Variants in RALYL observed in about 807,000 individuals in gnomAD.
RALYL encodes RALY RNA binding protein like, also known as RNA-binding Raly-like protein.
A neutral mutation model predicts 35.1 loss-of-function variants in RALYL; 29 were observed. The ratio of observed to expected loss-of-function variants is 0.83; its 90% confidence interval spans 0.61 to 1.13. RALYL has a LOEUF of 1.13. RALYL is among the 50% of genes most tolerant of loss of function. The pLI, the probability that RALYL is intolerant of heterozygous loss-of-function variation, is 0.00. For missense variants in RALYL, 359 were observed against 360.4 expected (o/e 1.00, Z 0.03); for synonymous variants, 120 against 127.6 (o/e 0.94, Z 0.40).
chr8:84,530,325 G>A (rs751518326), intron 2 of RALYL, among the ~76,000 whole-genome samples: 14 of 151,636 alleles, frequency 9.2e-5, no homozygotes, highest in Non-Finnish European at 1.8e-4. Context: ...GTTCTGTCTA[G>A]ATTAATATAT....
At position 84,451,565 on chromosome 8, in the gene RALYL, G is replaced by T. The variant is rs541538597; in HGVS notation, c.-23-77734G>T. 3.3e-5 allele frequency among the ~76,000 whole-genome samples: 5 copies of T among 152,090 alleles called. No homozygotes were observed. The East Asian group carries it at 9.7e-4, about 30-fold the overall frequency. On this transcript the variant is annotated intron_variant, in intron 1 of 8. Transcript: ENST00000521268. Reference sequence around the variant, plus strand: ...ATTTTAAAATATCCCTTGCCTAGGTGTTGGATTATCAGGCTTGAATTCTTA... The same window carrying T: ...ATTTTAAAATATCCCTTGCCTAGGTTTTGGATTATCAGGCTTGAATTCTTA...
intron 8 of RALYL, among the ~76,000 whole-genome samples, chr8:84,896,682 G>GTCCC (rs1844802603): frequency 1.3e-5 from 2 of 152,138 alleles, no homozygotes; most frequent in African/African-American, 4.8e-5. Context: ...GGCATTTGCT[G>GTCCC]CACCCCTGAA....
At chr8:84,370,339 A>C (rs1855427250) in intron 1 of RALYL, among the ~76,000 whole-genome samples, 1 of 152,082 alleles carries the variant, frequency 6.6e-6, no homozygotes, top group South Asian at 2.1e-4. Context: ...CCTGCTGCTA[A>C]AGTAACAGGA....
chr8:84,847,558 C>T (rs1369274708), intron 4 of RALYL, among the ~76,000 whole-genome samples: 3 of 152,278 alleles, frequency 2.0e-5, no homozygotes, highest in East Asian at 1.9e-4. Flanking sequence ...GTGACATTTA[C>T]ACCTTAGGGT....
chr8:84,379,582 T>G (rs1857543957), intron 1 of RALYL, among the ~76,000 whole-genome samples: 1 of 151,774 alleles, frequency 6.6e-6, no homozygotes, highest in South Asian at 2.1e-4. Context: ...CAAATAATAT[T>G]TAAACTGCAC....
chr8:84,453,393 T>C (rs2049742396), intron 1 of RALYL, among the ~76,000 whole-genome samples: 5 of 151,918 alleles, frequency 3.3e-5, no homozygotes, highest in Admixed American at 2.6e-4. Flanking sequence ...TATATAATGA[T>C]AGGAGAGAAA....
rs1817885030 is a variant in RALYL at position 84,205,630 on chromosome 8, G to A, written c.-24+21206G>A. ...AGTGTATATTTGGGTCTGAATATTA[G>A]CACTAGTTATCAATAAAGAGCACAA... On this transcript the variant is annotated intron_variant, in intron 1 of 8. Transcript: ENST00000521268. 2.6e-5 allele frequency among the ~76,000 whole-genome samples: 4 copies of A among 152,162 alleles called. No homozygotes were observed. In the South Asian group the frequency reaches 8.3e-4, roughly 32 times the overall value.
chr8:84,550,872 A>G (rs546591482), intron 2 of RALYL, among the ~76,000 whole-genome samples: 3 of 152,028 alleles, frequency 2.0e-5, no homozygotes, highest in Non-Finnish European at 4.4e-5. Context: ...CCATGGAAAC[A>G]GAAATTGTTG....
intron 2 of RALYL, among the ~76,000 whole-genome samples, chr8:84,768,371 C>A (rs993357486): frequency 2.0e-5 from 3 of 152,146 alleles, no homozygotes; most frequent in Non-Finnish European, 4.4e-5. Flanking sequence ...CTCGTTCATT[C>A]GAATCTTGGC....
chr8:84,534,484 A>G (rs919271004), intron 2 of RALYL, among the ~76,000 whole-genome samples: 3 of 152,186 alleles, frequency 2.0e-5, no homozygotes, highest in African/African-American at 4.8e-5. Context: ...CCTCTAAGCT[A>G]TAAGTTTTTT....
At chr8:84,271,400 G>A (rs1834283818) in intron 1 of RALYL, among the ~76,000 whole-genome samples, 1 of 150,290 alleles carries the variant, frequency 6.7e-6, no homozygotes, top group African/African-American at 2.5e-5. Context: ...GTGAGTATGT[G>A]GGGAAACTAG....
chr8:84,423,311 CT>C (rs1339106635), intron 1 of RALYL, among the ~76,000 whole-genome samples: 1 of 150,392 alleles, frequency 6.6e-6, no homozygotes, highest in Non-Finnish European at 1.5e-5. Context: ...TAATGGCCTT[CT>C]TTGTCTCTTT....
chr8:84,539,475 A>T (rs2059840854), intron 2 of RALYL, among the ~76,000 whole-genome samples: 1 of 151,926 alleles, frequency 6.6e-6, no homozygotes, highest in Admixed American at 6.6e-5. Context: ...TCTGGCTCTA[A>T]TTTTCTCATT....
chr8:84,826,292 GA>G (rs1169764529), intron 4 of RALYL, among the ~76,000 whole-genome samples: 13,800 of 66,020 alleles, frequency 0.21, 571 homozygotes, highest in Non-Finnish European at 0.24. Context: ...CCCTGAATCT[GA>G]AAAAAAAAAA....
intron 2 of RALYL, among the ~76,000 whole-genome samples, chr8:84,757,633 TG>T (rs150858701): frequency 0.031 from 4,752 of 152,180 alleles, 245 homozygotes; most frequent in African/African-American, 0.11. Flanking sequence ...AAAAGAGGGA[TG>T]GAGGTGGAAC....
chr8:84,883,696 G>A (rs1044478926), intron 7 of RALYL, among the ~76,000 whole-genome samples: 2 of 151,936 alleles, frequency 1.3e-5, no homozygotes, highest in African/African-American at 4.8e-5. Flanking sequence ...ATCAGTACTG[G>A]ACTATGCCTG....
chr8:84,238,663 T>C (rs1827157742), intron 1 of RALYL, among the ~76,000 whole-genome samples: 1 of 151,978 alleles, frequency 6.6e-6, no homozygotes, highest in Admixed American at 6.6e-5. Context: ...AGGGGGAAGA[T>C]AGGAAAAGTG....
At chr8:84,581,176 G>A (rs538376763) in intron 2 of RALYL, among the ~76,000 whole-genome samples, 3 of 152,240 alleles carry the variant, frequency 2.0e-5, no homozygotes, top group African/African-American at 7.2e-5. Context: ...AAGTCACACA[G>A]CATCATTTCG....
chr8:84,276,756 T>G (rs920643508), intron 1 of RALYL, among the ~76,000 whole-genome samples: 10 of 152,222 alleles, frequency 6.6e-5, no homozygotes, highest in Non-Finnish European at 1.2e-4. Context: ...GGACTAAATT[T>G]GGAATTGCTC....
Sources: allele counts gnomAD v4.1 joint callset (sites outside exome capture counted in the v4.1 genomes callset), GRCh38; gene constraint gnomAD v4.1.1; transcripts MANE v1.5; gene names NCBI Gene and HGNC (gene_info 2026-07-23, HGNC 2026-07-21).